The following DLG2 variants were observed in gnomAD, a reference collection of about 807,000 sequenced individuals.
DLG2 encodes discs large MAGUK scaffold protein 2, also known as disks large homolog 2.
A neutral mutation model predicts 132.5 loss-of-function variants in DLG2; 45 were observed. That is an observed-to-expected ratio of 0.34 (90% CI 0.27 to 0.44). The LOEUF (loss-of-function observed/expected upper bound fraction) is 0.44, where lower values mean the gene tolerates loss of function less well. DLG2 is among the 20% of genes least tolerant of loss of function. The pLI is 1.00. For synonymous variants in DLG2, 424 were observed against 419.6 expected, an observed-to-expected ratio of 1.01 and a Z score of -0.13; for missense variants, 1,045 against 1,196.9, an observed-to-expected ratio of 0.87 and a Z score of 1.87.
rs531981023 is a variant in DLG2 at position 83,653,803 on chromosome 11, ACCTCT to A, written c.1826-20483_1826-20479del. Among the ~76,000 whole-genome samples, 807 of 152,114 alleles carry A rather than the reference ACCTCT, an allele frequency of 5.3e-3. 5 individuals carry two copies. Among genetic ancestry groups the A allele is most frequent in the Non-Finnish European group, 8.5e-3 (576 of 67,976 alleles). ...CGTGGCACGATCTTGGCTCATTGCA[ACCTCT>A]GCCTCCCAGGTTCAAGAGATTCTCC... On this transcript the variant is annotated intron_variant, in intron 18 of 27. Transcript: ENST00000376104.
At chr11:84,499,458 G>T (rs1365494363) in intron 7 of DLG2, among the ~76,000 whole-genome samples, 2 of 152,140 alleles carry the variant, frequency 1.3e-5, no homozygotes, top group East Asian at 3.8e-4. Context: ...CATAAGTATT[G>T]TGCTATATAT....
intron 9 of DLG2, among the ~76,000 whole-genome samples, chr11:84,101,418 C>T (rs1423170682): frequency 6.6e-6 from 1 of 152,114 alleles, no homozygotes; most frequent in Non-Finnish European, 1.5e-5. Flanking sequence ...CTTACTGACA[C>T]CAAATGACTG....
intron 9 of DLG2, among the ~76,000 whole-genome samples, chr11:84,119,392 C>G (rs1005372710): frequency 1.3e-5 from 2 of 151,732 alleles, no homozygotes; most frequent in Non-Finnish European, 2.9e-5. Flanking sequence ...AGACCATATG[C>G]AGATGAGCGT....
chr11:85,082,135 T>G (rs1262781242), intron 6 of DLG2, among the ~76,000 whole-genome samples: 1 of 152,194 alleles, frequency 6.6e-6, no homozygotes, highest in Admixed American at 6.5e-5. Context: ...ATCTATGCCT[T>G]CTTTTTGATC....
At chr11:85,174,457 A>G (rs2079082820) in intron 4 of DLG2, among the ~76,000 whole-genome samples, 1 of 152,220 alleles carries the variant, frequency 6.6e-6, no homozygotes, top group African/African-American at 2.4e-5. Context: ...TCTGGGAAAC[A>G]ACTAAAGCAG....
At position 84,615,936 on chromosome 11, in the gene DLG2, T is replaced by C. The variant is rs550197786; in HGVS notation, c.358-81205A>G. Among the ~76,000 whole-genome samples, 22 of 151,444 alleles carry C rather than the reference T, an allele frequency of 1.5e-4. 1 individual carries two copies. The highest frequency in any genetic ancestry group is 5.3e-4 in the African/African-American group (22 of 41,242). Reference sequence around the variant, plus strand: ...GTCAGACTTCAATTCTGGGTATAAATGGTAAAGAAAAATATATATAGTGAC... The same window carrying C: ...GTCAGACTTCAATTCTGGGTATAAACGGTAAAGAAAAATATATATAGTGAC... On this transcript the variant is annotated intron_variant, in intron 6 of 27. Coordinates refer to ENST00000376104, the MANE Select transcript of DLG2 (RefSeq NM_001142699.3).
intron 6 of DLG2, among the ~76,000 whole-genome samples, chr11:84,860,794 C>A (rs1267146922): frequency 1.4e-5 from 2 of 147,710 alleles, no homozygotes; most frequent in Non-Finnish European, 1.5e-5. Context: ...AGATATAAGT[C>A]AAGCAAGAAA....
At chr11:84,483,457 C>A (rs1408348604) in intron 7 of DLG2, among the ~76,000 whole-genome samples, 1 of 286 alleles carries the variant, frequency 3.5e-3, no homozygotes, top group Non-Finnish European at 0.024. Flanking sequence ...AAAATTAAAC[C>A]CTGCTTACAT....
chr11:84,545,436 C>T (rs1035363961), intron 6 of DLG2: 11 of 460,488 alleles, frequency 2.4e-5, no homozygotes, highest in Admixed American at 7.4e-5. Flanking sequence ...GAAGATTCCT[C>T]CACAATCATA....
intron 19 of DLG2, among the ~76,000 whole-genome samples, chr11:83,597,035 T>C (rs967337430): frequency 2.0e-5 from 3 of 152,206 alleles, no homozygotes; most frequent in Admixed American, 6.5e-5. Flanking sequence ...AATTCTGTGA[T>C]GATCAAAGGA....
At chr11:85,239,890 T>C (rs942644268) in intron 4 of DLG2, among the ~76,000 whole-genome samples, 1 of 151,952 alleles carries the variant, frequency 6.6e-6, no homozygotes, top group East Asian at 1.9e-4. Flanking sequence ...ACAAAATCTG[T>C]AAGAAGTTTC....
chr11:85,077,574 G>T (rs781448002), intron 6 of DLG2, among the ~76,000 whole-genome samples: 1 of 151,816 alleles, frequency 6.6e-6, no homozygotes, highest in African/African-American at 2.4e-5. Flanking sequence ...ATGGAAAGTT[G>T]AACCTCACTC....
intron 4 of DLG2, among the ~76,000 whole-genome samples, chr11:85,260,722 C>T (rs1009308574): frequency 1.3e-5 from 2 of 152,202 alleles, no homozygotes; most frequent in African/African-American, 4.8e-5. Context: ...TGGTCACTCG[C>T]TTTTGAATGC....
chr11:84,580,427 C>A (rs1473970707), intron 6 of DLG2, among the ~76,000 whole-genome samples: 1 of 152,180 alleles, frequency 6.6e-6, no homozygotes, highest in African/African-American at 2.4e-5. Flanking sequence ...ACTACATTAA[C>A]TCTTGAGACG....
chr11:83,707,194 C>A (rs1343303473), intron 18 of DLG2, among the ~76,000 whole-genome samples: 2 of 152,196 alleles, frequency 1.3e-5, no homozygotes, highest in African/African-American at 4.8e-5. Flanking sequence ...TAGAACAACA[C>A]TGACTCCCCC....
chr11:83,569,007 A>G (rs2096754574), intron 19 of DLG2, among the ~76,000 whole-genome samples: 2 of 152,196 alleles, frequency 1.3e-5, no homozygotes, highest in Admixed American at 6.5e-5. Context: ...TAAATTACTT[A>G]TCACTGTCTC....
At chr11:84,216,448 A>G (rs963661729) in intron 8 of DLG2, among the ~76,000 whole-genome samples, 1 of 152,222 alleles carries the variant, frequency 6.6e-6, no homozygotes, top group Non-Finnish European at 1.5e-5. Context: ...ACACTATAAT[A>G]GGAATCTTTA....
At chr11:83,766,948 C>G (rs1593973843) in intron 18 of DLG2, among the ~76,000 whole-genome samples, 1 of 152,160 alleles carries the variant, frequency 6.6e-6, no homozygotes, top group Admixed American at 6.5e-5. Context: ...CAGCGATGCC[C>G]TGTATAGTCT....
At chr11:84,838,894 T>C (rs1255216854) in intron 6 of DLG2, among the ~76,000 whole-genome samples, 1 of 152,104 alleles carries the variant, frequency 6.6e-6, no homozygotes, top group Non-Finnish European at 1.5e-5. Flanking sequence ...TCATACTGAA[T>C]GGGCAAAAAC....
Sources: gnomAD v4.1 joint callset for allele counts (sites outside exome capture counted in the v4.1 genomes callset) on GRCh38, gnomAD v4.1.1 for gene constraint, MANE v1.5 for transcripts, NCBI Gene and HGNC (gene_info 2026-07-23, HGNC 2026-07-21) for gene names.